The following UNC13C variants were observed in gnomAD, a reference collection of about 807,000 sequenced individuals.
UNC13C encodes protein unc-13 homolog C.
A neutral mutation model predicts 245.4 loss-of-function variants in UNC13C; 174 were observed. The observed-to-expected ratio is 0.71, with a 90% CI of 0.63 to 0.80. The LOEUF is 0.80. Among genes scored for constraint, UNC13C ranks in the 30% least tolerant of loss-of-function variants. The pLI, the probability that UNC13C is intolerant of heterozygous loss-of-function variation, is 0.00. For synonymous variants in UNC13C, 992 were observed against 895.1 expected, an observed-to-expected ratio of 1.11 and a Z score of -1.93; for missense variants, 2,829 against 2,602.9, an observed-to-expected ratio of 1.09 and a Z score of -1.89.
intron 32 of UNC13C, among the ~76,000 whole-genome samples, chr15:54,624,205 A>G (rs148835032): frequency 5.9e-5 from 9 of 152,210 alleles, no homozygotes; most frequent in Non-Finnish European, 1.0e-4. Context: ...CTTTCTACAG[A>G]TGAGGAGTGT....
chr15:54,021,975 G>A (rs954586851), intron 2 of UNC13C, among the ~76,000 whole-genome samples: 2 of 152,118 alleles, frequency 1.3e-5, no homozygotes, highest in Non-Finnish European at 2.9e-5. Context: ...GTGTATAGTA[G>A]GTGATACCAT....
the UNC13C span, among the ~76,000 whole-genome samples, chr15:53,870,682 G>A: frequency 2.6e-4 from 39 of 152,130 alleles, no homozygotes; most frequent in African/African-American, 8.4e-4. Context: ...CAAGAGTTCA[G>A]CACTTCATGT....
In UNC13C at chr15:54,628,402, T is replaced by C. The variant is rs28548973; in HGVS notation, c.*1289T>C. 0.18 allele frequency: 22,754 copies of C among 125,528 alleles called. 3,419 individuals carry two copies. Among genetic ancestry groups the C allele is most frequent in the African/African-American group, 0.39 (16,043 of 40,870 alleles). 7.8% of individuals were successfully genotyped at this position (125,528 alleles called of 1,614,324 possible). ...TGATTGTGCTTTGTGAACAAGCTGA[T>C]CTAATACGTTAAGTACAGAAGTGCT... On this transcript the variant is annotated 3_prime_UTR_variant, in exon 33 of 33. Coordinates refer to ENST00000260323, the MANE Select transcript of UNC13C (RefSeq NM_001080534.3).
chr15:54,243,599 G>GT (rs1296032250), intron 7 of UNC13C, among the ~76,000 whole-genome samples: 4 of 94,040 alleles, frequency 4.3e-5, no homozygotes, highest in African/African-American at 7.8e-5. Context: ...CACCAACAGT[G>GT]TAAAGCATTC....
intron 19 of UNC13C, among the ~76,000 whole-genome samples, chr15:54,466,071 A>G (rs1892147695): frequency 6.6e-6 from 1 of 152,018 alleles, no homozygotes; most frequent in Non-Finnish European, 1.5e-5. Flanking sequence ...ATTACATTTA[A>G]TGAAATAAAC....
the UNC13C span, among the ~76,000 whole-genome samples, chr15:53,943,506 T>C: frequency 2.0e-5 from 3 of 152,186 alleles, no homozygotes; most frequent in Non-Finnish European, 4.4e-5. Flanking sequence ...AGGGATTGAT[T>C]TGAAGCCATA....
chr15:54,407,403 A>G (rs777769228), intron 18 of UNC13C, among the ~76,000 whole-genome samples: 1 of 152,202 alleles, frequency 6.6e-6, no homozygotes, highest in Non-Finnish European at 1.5e-5. Flanking sequence ...ATCTAAATTC[A>G]TTAGCTAAAT....
At chr15:54,119,775 T>TA (rs1225080847) in intron 2 of UNC13C, among the ~76,000 whole-genome samples, 3 of 152,124 alleles carry the variant, frequency 2.0e-5, no homozygotes, top group Non-Finnish European at 4.4e-5. Flanking sequence ...ACACAAATGA[T>TA]AAAAAAGCAA....
In UNC13C at chr15:54,059,698, G is replaced by A. The variant is rs565647171; in HGVS notation, c.2983+43812G>A. ...AAAAAAACAAAGCTGGAGGCATCAC[G>A]TTACCTGACTTCAAACTATACTGCA... On this transcript the variant is annotated intron_variant, in intron 2 of 32. Transcript: ENST00000260323. Among the ~76,000 whole-genome samples the A allele has an allele frequency of 2.0e-4, 30 of 152,214 alleles. No homozygotes were observed. The South Asian group carries it at 2.1e-3, about 11-fold the overall frequency.
intron 26 of UNC13C, among the ~76,000 whole-genome samples, chr15:54,536,929 G>A (rs1427757517): frequency 6.6e-6 from 1 of 152,042 alleles, no homozygotes; most frequent in African/African-American, 2.4e-5. Flanking sequence ...ACAAGACAAG[G>A]ATGCTCACTC....
chr15:54,222,036 A>C (rs1367893580), intron 4 of UNC13C, among the ~76,000 whole-genome samples: 1 of 152,118 alleles, frequency 6.6e-6, no homozygotes, highest in Non-Finnish European at 1.5e-5. Context: ...CATACAATGC[A>C]TAATAATCAC....
At chr15:53,908,544 G>C in the UNC13C span, among the ~76,000 whole-genome samples, 46 of 144,722 alleles carry the variant, frequency 3.2e-4, 3 homozygotes, top group African/African-American at 1.1e-3. Context: ...TTCTAGACCA[G>C]CCTGGGCAAC....
At chr15:53,964,766 T>G in the UNC13C span, among the ~76,000 whole-genome samples, 1 of 152,316 alleles carries the variant, frequency 6.6e-6, no homozygotes, top group Admixed American at 6.5e-5. Flanking sequence ...AAATAGCATG[T>G]CATCTAAAGC....
intron 2 of UNC13C, among the ~76,000 whole-genome samples, chr15:54,035,221 T>G (rs946249652): frequency 1.3e-5 from 2 of 152,196 alleles, no homozygotes; most frequent in African/African-American, 2.4e-5. Context: ...TAGTCCACTT[T>G]CATTATAAAA....
intron 1 of UNC13C, among the ~76,000 whole-genome samples, chr15:54,008,535 C>A (rs530180640): frequency 6.6e-6 from 1 of 152,108 alleles, no homozygotes; most frequent in Non-Finnish European, 1.5e-5. Flanking sequence ...CCCTAAAGTT[C>A]ATTAATGAAG....
chr15:54,225,876 T>C (rs1427302687), intron 4 of UNC13C, among the ~76,000 whole-genome samples: 1 of 152,180 alleles, frequency 6.6e-6, no homozygotes, highest in Non-Finnish European at 1.5e-5. Context: ...GGCATCCTTG[T>C]CTTGTGCCAG....
chr15:54,213,264 A>G (rs1199078873), intron 4 of UNC13C, among the ~76,000 whole-genome samples: 1 of 152,026 alleles, frequency 6.6e-6, no homozygotes, highest in African/African-American at 2.4e-5. Context: ...TAAAAATGAA[A>G]AGAATTCTTT....
chr15:54,250,730 G>GACTTT (rs2036123032), intron 8 of UNC13C, among the ~76,000 whole-genome samples: 1 of 72,846 alleles, frequency 1.4e-5, no homozygotes, highest in African/African-American at 7.1e-5. Context: ...TTTCTTTTTT[G>GACTTT]TCTTTTCTTT....
At chr15:53,945,962 C>T in the UNC13C span, among the ~76,000 whole-genome samples, 1 of 152,056 alleles carries the variant, frequency 6.6e-6, no homozygotes, top group African/African-American at 2.4e-5. Flanking sequence ...AGATCTTTCA[C>T]CTCCCTGGTT....
Sources: gnomAD v4.1 joint callset for allele counts (sites outside exome capture counted in the v4.1 genomes callset) on GRCh38, gnomAD v4.1.1 for gene constraint, MANE v1.5 for transcripts, NCBI Gene and HGNC (gene_info 2026-07-23, HGNC 2026-07-21) for gene names.